Variants in GMDS observed in about 807,000 individuals in gnomAD.
GMDS encodes the protein GDP-mannose 4,6 dehydratase.
A neutral mutation model predicts 49.9 loss-of-function variants in GMDS; 20 were observed. That is an observed-to-expected ratio of 0.40 (90% CI 0.28 to 0.58). GMDS has a LOEUF of 0.58. GMDS is among the 20% of genes least tolerant of loss of function. The pLI is 0.42. For synonymous variants in GMDS, 177 were observed against 178.6 expected, an observed-to-expected ratio of 0.99 and a Z score of 0.07; for missense variants, 362 against 481.4, an observed-to-expected ratio of 0.75 and a Z score of 2.32.
chr6:2,145,465 G>A (rs1160495094), intron 1 of GMDS, among the ~76,000 whole-genome samples: 1 of 151,992 alleles, frequency 6.6e-6, no homozygotes, highest in Non-Finnish European at 1.5e-5. Context: ...TTGAACCCAG[G>A]AGATGGAGGT....
intron 4 of GMDS, among the ~76,000 whole-genome samples, chr6:2,003,718 C>T (rs1400071531): frequency 6.6e-6 from 1 of 152,156 alleles, no homozygotes; most frequent in Non-Finnish European, 1.5e-5. Flanking sequence ...TTTGAAACAA[C>T]TTGCTGTGCA....
At chr6:1,782,009 G>A (rs1769112226) in intron 7 of GMDS, among the ~76,000 whole-genome samples, 1 of 152,158 alleles carries the variant, frequency 6.6e-6, no homozygotes, top group Non-Finnish European at 1.5e-5. Flanking sequence ...ACAGGCTGTT[G>A]TGCTTGGATC....
chr6:1,951,245 A>G (rs1763327463), intron 6 of GMDS, among the ~76,000 whole-genome samples: 1 of 152,264 alleles, frequency 6.6e-6, no homozygotes, highest in African/African-American at 2.4e-5. Context: ...TTAATTTATA[A>G]AGATAAATAC....
At chr6:2,171,039 G>GA (rs1328861078) in intron 1 of GMDS, among the ~76,000 whole-genome samples, 4 of 152,006 alleles carry the variant, frequency 2.6e-5, no homozygotes, top group Non-Finnish European at 4.4e-5. Context: ...GTATCAGACT[G>GA]AAAAAAATTA....
chr6:1,834,098 C>G (rs1756809319), intron 7 of GMDS, among the ~76,000 whole-genome samples: 1 of 152,014 alleles, frequency 6.6e-6, no homozygotes, highest in Non-Finnish European at 1.5e-5. Flanking sequence ...AAGTTCAATC[C>G]TGGTAGGTTA....
chr6:2,067,050 T>C (rs911502368), intron 4 of GMDS, among the ~76,000 whole-genome samples: 1 of 151,316 alleles, frequency 6.6e-6, no homozygotes, highest in Non-Finnish European at 1.5e-5. Flanking sequence ...AGAACAGAAA[T>C]TATAACAAAC....
intron 7 of GMDS, among the ~76,000 whole-genome samples, chr6:1,871,700 T>C (rs957755597): frequency 6.6e-6 from 1 of 152,264 alleles, no homozygotes; most frequent in African/African-American, 2.4e-5. Context: ...CCTAAGCTGC[T>C]GTTGTGAATA....
At chr6:2,121,899 C>T (rs1775157307) in intron 2 of GMDS, among the ~76,000 whole-genome samples, 1 of 152,172 alleles carries the variant, frequency 6.6e-6, no homozygotes, top group African/African-American at 2.4e-5. Context: ...ACTGCCCATG[C>T]TTCCCAGTTT....
chr6:1,829,043 A>G (rs1452285411), intron 7 of GMDS, among the ~76,000 whole-genome samples: 1 of 152,248 alleles, frequency 6.6e-6, no homozygotes, highest in Admixed American at 6.5e-5. Context: ...CATTAGGAAA[A>G]TCATAAGAAA....
intron 4 of GMDS, among the ~76,000 whole-genome samples, chr6:1,990,161 TGG>T (rs1209301404): frequency 6.6e-6 from 1 of 152,124 alleles, no homozygotes; most frequent in Non-Finnish European, 1.5e-5. Flanking sequence ...CCAGGCATGG[TGG>T]CACGTGCCTG....
chr6:1,764,061 A>C (rs922394663), intron 7 of GMDS, among the ~76,000 whole-genome samples: 2 of 152,040 alleles, frequency 1.3e-5, no homozygotes, highest in African/African-American at 4.8e-5. Flanking sequence ...TCGTAGTGCT[A>C]CTGAGGCTGG....
At chr6:1,722,097 T>C (rs4959151) in intron 9 of GMDS, among the ~76,000 whole-genome samples, 111,093 of 133,418 alleles carry the variant, frequency 0.83, 46,800 homozygotes, top group East Asian at 1. Flanking sequence ...GATGGAATCT[T>C]GCTTTGACGC....
intron 4 of GMDS, among the ~76,000 whole-genome samples, chr6:1,992,554 C>T (rs965595564): frequency 6.6e-6 from 1 of 152,214 alleles, no homozygotes; most frequent in Non-Finnish European, 1.5e-5. Context: ...CCCTAGAAAT[C>T]TGCATGGCTA....
intron 7 of GMDS, among the ~76,000 whole-genome samples, chr6:1,914,144 T>G (rs935587508): frequency 2.6e-4 from 38 of 147,606 alleles, no homozygotes; most frequent in South Asian, 1.3e-3. Context: ...TTTTTTTTTT[T>G]TTTTTTTTTT....
At position 1,833,126 on chromosome 6, in the gene GMDS, CT is replaced by C. The variant is rs34633662; in HGVS notation, c.772-90541del. ...ACCCGGCAGTGGAGCGTATGAAAGC[CT>C]TTTTTTTTTTTTTTTTTTTTTTAAA... On this transcript the variant is annotated intron_variant, in intron 7 of 10. Coordinates refer to ENST00000380815, the MANE Select transcript of GMDS (RefSeq NM_001500.4). The surrounding 1 kb of genome is among the most constrained non-coding windows in gnomAD (Gnocchi z 4.4). Among the ~76,000 whole-genome samples, 49,305 of 123,374 alleles carry C rather than the reference CT, an allele frequency of 0.4. 10,978 individuals are homozygous for C. Among genetic ancestry groups the C allele is most frequent in the Non-Finnish European group, 0.51 (30,411 of 59,564 alleles). The allele number at this position is 123,374 out of a possible 152,430, so 80.9% of individuals were successfully genotyped here.
At chr6:2,141,470 C>A (rs1776282844) in intron 1 of GMDS, among the ~76,000 whole-genome samples, 1 of 152,156 alleles carries the variant, frequency 6.6e-6, no homozygotes, top group Non-Finnish European at 1.5e-5. Flanking sequence ...GAATAACCTG[C>A]GTAGCACAGG....
At chr6:1,895,149 G>A (rs913922605) in intron 7 of GMDS, among the ~76,000 whole-genome samples, 2 of 152,152 alleles carry the variant, frequency 1.3e-5, no homozygotes, top group African/African-American at 2.4e-5. Flanking sequence ...GATGGGCAAC[G>A]AGTTTGGGGA....
chr6:1,969,728 C>G (rs12214210), intron 4 of GMDS, among the ~76,000 whole-genome samples: 3,790 of 152,264 alleles, frequency 0.025, 150 homozygotes, highest in East Asian at 0.16. Flanking sequence ...CTTCCTTCCC[C>G]CAAGAGGCCT....
intron 9 of GMDS, among the ~76,000 whole-genome samples, chr6:1,710,411 T>C (rs1057389571): frequency 1.3e-5 from 2 of 152,246 alleles, no homozygotes; most frequent in African/African-American, 4.8e-5. Context: ...GCGGCATTCA[T>C]TCAGTCCCTA....
Sources: gnomAD v4.1 joint callset for allele counts (sites outside exome capture counted in the v4.1 genomes callset) on GRCh38, gnomAD v4.1.1 for gene constraint, Gnocchi (gnomAD v3.1) non-coding constraint, MANE v1.5 for transcripts, NCBI Gene and HGNC (gene_info 2026-07-23, HGNC 2026-07-21) for gene names.